TSNARE1: variants seen among roughly 807,000 people sequenced by gnomAD.
TSNARE1 encodes the protein t-SNARE domain-containing protein 1.
TSNARE1 carries 49 observed loss-of-function variants against 62.0 expected under a neutral mutation model. That is an observed-to-expected ratio of 0.79 (90% confidence interval 0.63 to 1.00). The LOEUF is 1.00. Ranked by LOEUF, TSNARE1 falls within the 50% of genes least tolerant of loss-of-function variation. The pLI is 0.00. For missense variants in TSNARE1, 755 were observed against 700.1 expected, an observed-to-expected ratio of 1.08 and a Z score of -0.88; for synonymous variants, 328 against 294.4, an observed-to-expected ratio of 1.11 and a Z score of -1.17.
chr8:142,364,904 G>A (rs1356366699), intron 1 of TSNARE1, among the ~76,000 whole-genome samples: 1 of 152,212 alleles, frequency 6.6e-6, no homozygotes, highest in Non-Finnish European at 1.5e-5. Flanking sequence ...AACTGTGGAA[G>A]GAATGATGGA....
chr8:142,332,473 T>TATAA (rs34253650), intron 4 of TSNARE1, among the ~76,000 whole-genome samples: 31,757 of 152,000 alleles, frequency 0.21, 3,743 homozygotes, highest in South Asian at 0.35. Flanking sequence ...ATTTTAGAAT[T>TATAA]AGTGGTGATT....
chr8:142,403,025 C>T (rs184922138), intron 1 of TSNARE1, 79 bp downstream of exon 1: 77,548 of 147,564 alleles, frequency 0.53, 22,563 homozygotes, highest in Non-Finnish European at 0.65. Context: ...CCGGGCCCCG[C>T]GCTGGTCCCC....
chr8:142,368,243 TA>T (rs1301658882), intron 1 of TSNARE1, among the ~76,000 whole-genome samples: 2 of 150,986 alleles, frequency 1.3e-5, no homozygotes, highest in Non-Finnish European at 2.9e-5. Flanking sequence ...AAAGAGCTCA[TA>T]AAAACTACAG....
chr8:142,237,165 G>A (rs1256120578), intron 12 of TSNARE1, among the ~76,000 whole-genome samples: 1 of 151,580 alleles, frequency 6.6e-6, no homozygotes, highest in Non-Finnish European at 1.5e-5. Context: ...CCTGCGGCCC[G>A]ACTCACCTGC....
intron 12 of TSNARE1, among the ~76,000 whole-genome samples, chr8:142,263,642 G>A (rs1412593417): frequency 6.6e-6 from 1 of 152,196 alleles, no homozygotes; most frequent in African/African-American, 2.4e-5. Flanking sequence ...TCTTCACCAT[G>A]GAAAGAATTT....
At chr8:142,263,894 G>A (rs745468588) in intron 12 of TSNARE1, among the ~76,000 whole-genome samples, 15 of 152,088 alleles carry the variant, frequency 9.9e-5, no homozygotes, top group African/African-American at 1.9e-4. Flanking sequence ...ACTTTGTAGC[G>A]CCTTCCATTA....
intron 1 of TSNARE1, among the ~76,000 whole-genome samples, chr8:142,367,561 T>C (rs1835645263): frequency 6.6e-6 from 1 of 152,194 alleles, no homozygotes; most frequent in East Asian, 1.9e-4. Flanking sequence ...TGCTAATATA[T>C]GTGGGCTTTC....
chr8:142,356,235 G>A (rs962282052), intron 1 of TSNARE1, among the ~76,000 whole-genome samples: 1 of 152,170 alleles, frequency 6.6e-6, no homozygotes, highest in Admixed American at 6.5e-5. Flanking sequence ...CAGGGCGCAC[G>A]AAAACACCCG....
At chr8:142,352,051 T>C (rs1307196573) in intron 2 of TSNARE1, among the ~76,000 whole-genome samples, 1 of 152,266 alleles carries the variant, frequency 6.6e-6, no homozygotes, top group Non-Finnish European at 1.5e-5. Context: ...AAGGGAATGA[T>C]GGATCAACTC....
At chr8:142,330,337 G>A (rs911899128) in intron 6 of TSNARE1, among the ~76,000 whole-genome samples, 1 of 152,172 alleles carries the variant, frequency 6.6e-6, no homozygotes, top group East Asian at 1.9e-4. Context: ...CAGCACCCGA[G>A]GCACCTCTCC....
intron 1 of TSNARE1, among the ~76,000 whole-genome samples, chr8:142,390,665 G>T (rs78507103): frequency 4.6e-4 from 3 of 6,580 alleles, no homozygotes; most frequent in Non-Finnish European, 8.2e-4. Context: ...TGTACACTGC[G>T]GGGGACTCCG....
At chr8:142,370,579 C>A (rs752806357) in intron 1 of TSNARE1, among the ~76,000 whole-genome samples, 2 of 151,874 alleles carry the variant, frequency 1.3e-5, no homozygotes, top group African/African-American at 2.4e-5. Context: ...AAAACAACAG[C>A]AACAACAAAA....
At chr8:142,256,400 G>C (rs139064389) in intron 12 of TSNARE1, among the ~76,000 whole-genome samples, 7 of 5,416 alleles carry the variant, frequency 1.3e-3, no homozygotes, top group Admixed American at 4.7e-3. Context: ...AATACCACCA[G>C]CAGCAACCAC....
intron 13 of TSNARE1, among the ~76,000 whole-genome samples, chr8:142,223,313 C>CTCACTCAT (rs1554624427): frequency 0.25 from 15,877 of 62,782 alleles, 3,324 homozygotes; most frequent in Middle Eastern, 0.42. Context: ...CACTCATTCA[C>CTCACTCAT]TCACTCATTC....
Position 142,355,112 on chromosome 8 carries a change from C to T in TSNARE1, c.-39-349G>A, listed in dbSNP as rs550979108. On this transcript the variant is annotated intron_variant, in intron 1 of 13. Transcript: ENST00000524325. ...CAGCCTCCCAGGTGGCTTCTGGGAG[C>T]GCTGGGCCCCCGCCATGCAGGCAGG... is the stretch of plus-strand genomic sequence containing the variant. Among the ~76,000 whole-genome samples the T allele has an allele frequency of 1.8e-3, 277 of 152,326 alleles. 2 individuals are homozygous for T. The highest frequency in any genetic ancestry group is 6.4e-3 in the African/African-American group (265 of 41,572).
At chr8:142,272,316 C>T (rs1408446136) in intron 12 of TSNARE1, among the ~76,000 whole-genome samples, 1 of 147,890 alleles carries the variant, frequency 6.8e-6, no homozygotes, top group Non-Finnish European at 1.5e-5. Flanking sequence ...CTCCATCTAC[C>T]CATCCACCCG....
At position 142,244,771 on chromosome 8, in the gene TSNARE1, C is replaced by T. The variant is rs146627309; in HGVS notation, c.1447-15192G>A. 1.5e-4 allele frequency among the ~76,000 whole-genome samples: 23 copies of T among 152,308 alleles called. No individual in the cohort carries two copies. In the East Asian group the frequency reaches 3.5e-3, roughly 23 times the overall value. The stretch of plus-strand genomic sequence containing the variant: ...GGGACGCAGGGAGAGAGACGCTTAC[C>T]GCAGCCCACAGAGCGGAAAGGGAGG... On this transcript the variant is annotated intron_variant, in intron 12 of 13. Coordinates refer to ENST00000524325, the MANE Select transcript of TSNARE1 (RefSeq NM_145003.5).
At chr8:142,235,593 T>G (rs1057248010) in intron 12 of TSNARE1, among the ~76,000 whole-genome samples, 2 of 152,106 alleles carry the variant, frequency 1.3e-5, no homozygotes, top group African/African-American at 4.8e-5. Context: ...GAACGGATTG[T>G]TTCTTAAATG....
chr8:142,404,218 C>T (rs1403618316), upstream of TSNARE1: 1 of 152,442 alleles, frequency 6.6e-6, no homozygotes, highest in African/African-American at 2.4e-5. Context: ...CCCCCACCGC[C>T]CCGCTGGCTG....
Sources: gnomAD v4.1 joint callset for allele counts (sites outside exome capture counted in the v4.1 genomes callset) on GRCh38, gnomAD v4.1.1 for gene constraint, MANE v1.5 for transcripts, NCBI Gene and HGNC (gene_info 2026-07-23, HGNC 2026-07-21) for gene names.